STK39: variants seen among roughly 807,000 people sequenced by gnomAD.
STK39 encodes the protein serine/threonine kinase 39.
STK39 carries 20 observed loss-of-function variants against 77.8 expected under a neutral mutation model. The ratio of observed to expected loss-of-function variants is 0.26; its 90% CI spans 0.18 to 0.37. The LOEUF (loss-of-function observed/expected upper bound fraction) is 0.37, where lower values mean the gene tolerates loss of function less well. STK39 is among the 10% of genes least tolerant of loss of function. The probability of loss-of-function intolerance (pLI) is 1.00; values close to 1 mark genes in which losing one functional copy is unlikely to be tolerated. For synonymous variants in STK39, 246 were observed against 234.1 expected, an observed-to-expected ratio of 1.05 and a Z score of -0.47; for missense variants, 479 against 656.5, an observed-to-expected ratio of 0.73 and a Z score of 2.95.
At chr2:168,100,687 T>C (rs1468125536) in intron 10 of STK39, among the ~76,000 whole-genome samples, 1 of 152,194 alleles carries the variant, frequency 6.6e-6, no homozygotes, top group Non-Finnish European at 1.5e-5. Flanking sequence ...AAAGGGCTAA[T>C]ATCCAGAATC....
chr2:167,991,049 CCAGTTGGGCAAAGTAA>C (rs1438837606), intron 16 of STK39, among the ~76,000 whole-genome samples: 2 of 152,134 alleles, frequency 1.3e-5, no homozygotes, highest in East Asian at 3.9e-4. Context: ...TCCAGATTAC[CCAGTTGGGCAAAGTAA>C]CAAACACCCG....
At chr2:168,232,226 T>G (rs1034112316) in intron 1 of STK39, 1 of 174,106 alleles carries the variant, frequency 5.7e-6, no homozygotes, top group African/African-American at 2.4e-5. Context: ...AAGATCTAAG[T>G]TTTCATTTAA....
At chr2:168,184,114 G>C (rs1042000528) in intron 1 of STK39, among the ~76,000 whole-genome samples, 1 of 152,104 alleles carries the variant, frequency 6.6e-6, no homozygotes, top group South Asian at 2.1e-4. Context: ...TCAAAAACAG[G>C]AAAGAATAAA....
At position 168,011,170 on chromosome 2, in the gene STK39, C is replaced by T. The variant is rs111756537; in HGVS notation, c.1498+1464G>A. 9.1e-3 allele frequency among the ~76,000 whole-genome samples: 1,386 copies of T among 152,122 alleles called. 19 individuals carry two copies. Among genetic ancestry groups the T allele is most frequent in the African/African-American group, 0.032 (1,312 of 41,494 alleles). The stretch of plus-strand genomic sequence containing the variant: ...AAAATTAGCCAGGCACGGTGGCATG[C>T]GTCTGTAGTCCCAAGCTATTTGGGA... On this transcript the variant is annotated intron_variant, in intron 16 of 17. Coordinates refer to ENST00000355999, the MANE Select transcript of STK39 (RefSeq NM_013233.3).
At chr2:167,962,881 C>G (rs1171902371) in intron 17 of STK39, among the ~76,000 whole-genome samples, 1 of 152,132 alleles carries the variant, frequency 6.6e-6, no homozygotes, top group East Asian at 1.9e-4. Flanking sequence ...GCTGTGTGAT[C>G]CTGGGCAAAT....
At chr2:168,222,631 GGATA>G (rs1439313560) in intron 1 of STK39, among the ~76,000 whole-genome samples, 1 of 152,048 alleles carries the variant, frequency 6.6e-6, no homozygotes, top group Non-Finnish European at 1.5e-5. Flanking sequence ...ACCAGTTAGA[GGATA>G]AATAGGTAAA....
At chr2:168,030,169 G>A (rs1333400785) in intron 14 of STK39, among the ~76,000 whole-genome samples, 1 of 152,198 alleles carries the variant, frequency 6.6e-6, no homozygotes, top group South Asian at 2.1e-4. Flanking sequence ...GAATCTGGGA[G>A]GCGGAGCTTT....
At chr2:168,137,807 T>C (rs1687877223) in intron 8 of STK39, among the ~76,000 whole-genome samples, 1 of 152,246 alleles carries the variant, frequency 6.6e-6, no homozygotes, top group African/African-American at 2.4e-5. Context: ...ATTTCTGTTT[T>C]ACTTCATTTC....
chr2:167,994,670 A>G (rs1683786805), intron 16 of STK39, among the ~76,000 whole-genome samples: 1 of 152,228 alleles, frequency 6.6e-6, no homozygotes, highest in Non-Finnish European at 1.5e-5. Flanking sequence ...CATTGTGGAT[A>G]TTTCATGTAA....
chr2:167,955,694 T>G (rs1691745384), intron 17 of STK39, 124 bp from the exon 18 acceptor site: 3 of 901,454 alleles, frequency 3.3e-6, no homozygotes, highest in Non-Finnish European at 3.4e-6. Flanking sequence ...GTCCCATTTC[T>G]TCCAGAAGAG....
At chr2:168,093,521 A>G (rs1203100561) in intron 10 of STK39, among the ~76,000 whole-genome samples, 1 of 152,198 alleles carries the variant, frequency 6.6e-6, no homozygotes, top group Admixed American at 6.5e-5. Flanking sequence ...CTACCTCCCA[A>G]CGGGTCCCCA....
chr2:168,247,409 C>A lies in STK39; in HGVS notation c.27G>T (p.Val9=). 8.3e-7 allele frequency: 1 copy of A among 1,207,210 alleles called. No homozygotes were observed. The highest frequency in any genetic ancestry group is 1.0e-6 in the Non-Finnish European group (1 of 965,456). 74.8% of individuals were successfully genotyped at this position (1,207,210 alleles called of 1,614,324 possible). Residue 9 remains valine, a synonymous_variant, in exon 1 of 18, where the codon GTG becomes GTT. Transcript: ENST00000355999. Reference sequence around the variant, plus strand: ...CCGCCTGCTGGGGAAGCTGGACGTGCACGGGCGAGCCGCTCGGCTCCGCCA... The same window carrying A: ...CCGCCTGCTGGGGAAGCTGGACGTGAACGGGCGAGCCGCTCGGCTCCGCCA... MAEPSGSP[V]HVQLPQQAAP...
intron 1 of STK39, among the ~76,000 whole-genome samples, chr2:168,196,986 G>A (rs1448788756): frequency 6.6e-6 from 1 of 152,162 alleles, no homozygotes. Context: ...AGACCAAGGT[G>A]AGTACTTGAA....
At chr2:167,987,421 GA>G (rs1683588603) in intron 16 of STK39, among the ~76,000 whole-genome samples, 1 of 152,066 alleles carries the variant, frequency 6.6e-6, no homozygotes, top group South Asian at 2.1e-4. Context: ...AGTATACTTA[GA>G]AAAGTTAACT....
At chr2:168,084,929 G>T (rs971984092) in intron 10 of STK39, among the ~76,000 whole-genome samples, 1 of 152,220 alleles carries the variant, frequency 6.6e-6, no homozygotes, top group African/African-American at 2.4e-5. Context: ...TTAATAGTTT[G>T]TGTTGCAGAA....
chr2:168,077,952 C>T (rs1331149614), intron 10 of STK39, among the ~76,000 whole-genome samples: 7 of 150,810 alleles, frequency 4.6e-5, no homozygotes, highest in Non-Finnish European at 8.8e-5. Context: ...CCACACCCAA[C>T]GATGAGAATG....
intron 10 of STK39, among the ~76,000 whole-genome samples, chr2:168,079,494 C>A (rs1180493733): frequency 6.6e-6 from 1 of 152,238 alleles, no homozygotes; most frequent in African/African-American, 2.4e-5. Flanking sequence ...GAGCACCAGT[C>A]AAGTGCGCAT....
intron 1 of STK39, among the ~76,000 whole-genome samples, chr2:168,205,612 T>C (rs985015554): frequency 4.0e-5 from 6 of 151,418 alleles, no homozygotes; most frequent in East Asian, 1.9e-4. Flanking sequence ...AGGCCAGGAG[T>C]TCAAGACCAG....
chr2:168,148,617 T>C (rs1688203091), intron 5 of STK39, among the ~76,000 whole-genome samples: 1 of 152,196 alleles, frequency 6.6e-6, no homozygotes, highest in Non-Finnish European at 1.5e-5. Context: ...CTGGCTTCCT[T>C]CTTGAAATAA....
Sources: gnomAD v4.1 joint callset for allele counts (sites outside exome capture counted in the v4.1 genomes callset) on GRCh38, gnomAD v4.1.1 for gene constraint, MANE v1.5 for transcripts, NCBI Gene and HGNC (gene_info 2026-07-23, HGNC 2026-07-21) for gene names.